WFDC2: variants seen among roughly 807,000 people sequenced by gnomAD.
WFDC2 encodes the protein WAP four-disulfide core domain 2.
Under a neutral mutation model 12.5 loss-of-function variants are expected in WFDC2, and 8 were observed. That is an observed-to-expected ratio of 0.64 (90% CI 0.37 to 1.15). The LOEUF is 1.15. WFDC2 is among the 50% of genes most tolerant of loss of function. The probability of loss-of-function intolerance (pLI) is 0.01; values close to 1 mark genes in which losing one functional copy is unlikely to be tolerated. For missense variants in WFDC2, 166 were observed against 159.9 expected, an observed-to-expected ratio of 1.04 and a Z score of -0.21; for synonymous variants, 74 against 67.2, an observed-to-expected ratio of 1.10 and a Z score of -0.49.
chr20:45,474,442 T>C (rs1355218449), intron 2 of WFDC2, among the ~76,000 whole-genome samples: 2 of 152,192 alleles, frequency 1.3e-5, no homozygotes, highest in Non-Finnish European at 2.9e-5. Flanking sequence ...AATCATGTGG[T>C]TTTTGTCATT....
At chr20:45,480,850 C>A (rs1009621613) in intron 3 of WFDC2, among the ~76,000 whole-genome samples, 1 of 152,180 alleles carries the variant, frequency 6.6e-6, no homozygotes, top group Non-Finnish European at 1.5e-5. Context: ...AGCCAGGGCT[C>A]TCAGATGCCA....
intron 2 of WFDC2, chr20:45,479,727 A>G (rs2145507382): frequency 1.2e-6 from 2 of 1,614,038 alleles, no homozygotes; most frequent in Non-Finnish European, 1.7e-6. Context: ...ACTCAAGCTG[A>G]GGTCCTGTGA....
chr20:45,477,106 G>C (rs1991242327), intron 2 of WFDC2, among the ~76,000 whole-genome samples: 1 of 151,722 alleles, frequency 6.6e-6, no homozygotes, highest in Admixed American at 6.6e-5. Context: ...TACCTTTCTT[G>C]CATTGGGGTT....
intron 2 of WFDC2, chr20:45,479,422 C>A: frequency 1.9e-6 from 1 of 533,192 alleles, no homozygotes; most frequent in Non-Finnish European, 3.3e-6. Context: ...TCACTTGTAA[C>A]ACAAGGAAAT....
At chr20:45,478,939 A>G (rs1000905424) in intron 2 of WFDC2, among the ~76,000 whole-genome samples, 13 of 152,240 alleles carry the variant, frequency 8.5e-5, no homozygotes, top group Non-Finnish European at 1.8e-4. Flanking sequence ...TCTACAGCTA[A>G]TCACCCAGTT....
At chr20:45,471,369 G>A (rs1168378137) in intron 2 of WFDC2, 2 of 335,078 alleles carry the variant, frequency 6.0e-6, no homozygotes, top group Non-Finnish European at 1.2e-5. Flanking sequence ...GTTCTCCAGA[G>A]GAAAATGCTG....
At chr20:45,471,666 G>A (rs929106571) in intron 2 of WFDC2, among the ~76,000 whole-genome samples, 3 of 152,152 alleles carry the variant, frequency 2.0e-5, no homozygotes, top group Non-Finnish European at 4.4e-5. Context: ...GAGAAAGCAG[G>A]CAGCAGCCAG....
intron 2 of WFDC2, among the ~76,000 whole-genome samples, chr20:45,475,140 T>C (rs1222361741): frequency 1.3e-5 from 2 of 152,144 alleles, no homozygotes; most frequent in Non-Finnish European, 1.5e-5. Context: ...TGTGAATTCA[T>C]TGATTTTTTT....
intron 2 of WFDC2, among the ~76,000 whole-genome samples, chr20:45,477,681 C>G (rs753457825): frequency 1.3e-5 from 2 of 152,196 alleles, no homozygotes; most frequent in Non-Finnish European, 2.9e-5. Context: ...GCAGTCTGAC[C>G]CTTAGCAGAG....
intron 2 of WFDC2, among the ~76,000 whole-genome samples, chr20:45,475,592 C>T (rs752959945): frequency 6.6e-6 from 1 of 152,102 alleles, no homozygotes; most frequent in Non-Finnish European, 1.5e-5. Context: ...TGTTTTACTT[C>T]CAATTATGTG....
Position 45,470,613 on chromosome 20 carries a change from CA to C in WFDC2, c.223+82del. 6.8e-7 allele frequency: 1 copy of C among 1,468,478 alleles called. No individual in the cohort carries two copies. Among genetic ancestry groups the C allele is most frequent in the Non-Finnish European group, 9.0e-7 (1 of 1,110,800 alleles). The allele number at this position is 1,468,478 out of a possible 1,614,324, so 91.0% of individuals were successfully genotyped here. A position where few individuals can be genotyped will look rare whatever the true frequency, so the allele number is the denominator to read the frequency against. On this transcript the variant is annotated intron_variant, in intron 2 of 3. Transcript: ENST00000372676. This position sits in a 1 kb window ranked among gnomAD's most constrained non-coding sequence, Gnocchi z 5.4. ...GGTGGGAGGGCCCGGGTTCCGGGAA[CA>C]GGGGCGCCCCCGGACCCGGGGACCC...
chr20:45,470,372 C>T lies in WFDC2; in HGVS notation c.80-17C>T. On this transcript the variant is annotated splice_polypyrimidine_tract_variant and intron_variant, in intron 1 of 3. Coordinates refer to ENST00000372676, the MANE Select transcript of WFDC2 (RefSeq NM_006103.4). This position sits in a 1 kb window ranked among gnomAD's most constrained non-coding sequence, Gnocchi z 5.4. ...CGCTACGCCCCACCCTCGACTGTCC[C>T]GGGCCTCCCCTCCCAGGCACAGGAG... 3 of 1,571,580 alleles carry T rather than the reference C, an allele frequency of 1.9e-6. No homozygotes were observed. Among genetic ancestry groups the T allele is most frequent in the Non-Finnish European group, 2.6e-6 (3 of 1,157,332 alleles).
intron 2 of WFDC2, among the ~76,000 whole-genome samples, chr20:45,472,940 C>A (rs1991190535): frequency 6.6e-6 from 1 of 152,140 alleles, no homozygotes; most frequent in East Asian, 1.9e-4. Flanking sequence ...CTCTAATGAC[C>A]AGTGATGATG....
At chr20:45,479,671 A>G (rs1991275723) in intron 2 of WFDC2, 2 of 1,613,730 alleles carry the variant, frequency 1.2e-6, no homozygotes, top group African/African-American at 1.3e-5. Flanking sequence ...AAAGACACGG[A>G]GGCTCTGGGA....
At chr20:45,481,338 G>GT (rs973046643) in intron 3 of WFDC2, 33 bp from the exon 4 acceptor site, 3 of 152,270 alleles carry the variant, frequency 2.0e-5, no homozygotes, top group African/African-American at 7.2e-5. Context: ...GGATATTGTT[G>GT]TTGATGGTAT....
At chr20:45,471,775 G>A (rs1043243157) in intron 2 of WFDC2, among the ~76,000 whole-genome samples, 2 of 152,202 alleles carry the variant, frequency 1.3e-5, no homozygotes, top group Non-Finnish European at 2.9e-5. Context: ...CAGGAAGAGG[G>A]ACAAGGTCAG....
chr20:45,480,138 G>A lies in WFDC2; in HGVS notation c.*1+44G>A, dbSNP rs373472986. On this transcript the variant is annotated intron_variant, in intron 3 of 3. Transcript: ENST00000372676. Reference sequence around the variant, plus strand: ...GAAAGTGCATTGATGGCCAGGTGTTGTGGGAAACAGGAGAAAACGTCACCC... The same window carrying A: ...GAAAGTGCATTGATGGCCAGGTGTTATGGGAAACAGGAGAAAACGTCACCC... 80 of 1,607,312 alleles carry A rather than the reference G, an allele frequency of 5.0e-5. No individual in the cohort carries two copies. The African/African-American group carries it at 1.0e-3, about 20-fold the overall frequency.
intron 2 of WFDC2, among the ~76,000 whole-genome samples, chr20:45,478,965 A>G (rs1991268158): frequency 6.6e-6 from 1 of 152,206 alleles, no homozygotes; most frequent in African/African-American, 2.4e-5. Flanking sequence ...CCTGTGTTTT[A>G]CACACAAAAA....
At chr20:45,473,103 T>C (rs1991193049) in intron 2 of WFDC2, among the ~76,000 whole-genome samples, 1 of 152,194 alleles carries the variant, frequency 6.6e-6, no homozygotes, top group African/African-American at 2.4e-5. Context: ...ATGGATAGAG[T>C]GCAAAAATTT....
Sources: allele counts gnomAD v4.1 joint callset (sites outside exome capture counted in the v4.1 genomes callset), GRCh38; gene constraint gnomAD v4.1.1; non-coding constraint Gnocchi (gnomAD v3.1); transcripts MANE v1.5; gene names NCBI Gene and HGNC (gene_info 2026-07-23, HGNC 2026-07-21).